Variants in NAALADL2 observed in about 807,000 individuals in gnomAD.
NAALADL2 encodes the protein N-acetylated alpha-linked acidic dipeptidase like 2.
NAALADL2 carries 76 observed loss-of-function variants against 87.2 expected under a neutral mutation model. The observed-to-expected ratio is 0.87, with a 90% confidence interval of 0.72 to 1.05. NAALADL2 has a LOEUF of 1.05. Among genes scored for constraint, NAALADL2 ranks in the 50% least tolerant of loss-of-function variants. The pLI is 0.00. For missense variants in NAALADL2, 1,089 were observed against 945.8 expected (o/e 1.15, Z -1.99); for synonymous variants, 354 against 331.0 (o/e 1.07, Z -0.75).
intron 2 of NAALADL2, among the ~76,000 whole-genome samples, chr3:175,175,002 G>T (rs1357084735): frequency 1.3e-5 from 2 of 151,930 alleles, no homozygotes; most frequent in Non-Finnish European, 2.9e-5. Flanking sequence ...AAATGATATT[G>T]AATTTTTTGA....
intron 5 of NAALADL2, among the ~76,000 whole-genome samples, chr3:175,445,953 C>T (rs886436623): frequency 6.6e-6 from 1 of 152,108 alleles, no homozygotes; most frequent in African/African-American, 2.4e-5. Flanking sequence ...TGCCGAGGGG[C>T]CGGCCTAGGG....
intron 4 of NAALADL2, among the ~76,000 whole-genome samples, chr3:175,308,399 A>G (rs1261641835): frequency 6.6e-6 from 1 of 152,182 alleles, no homozygotes; most frequent in Non-Finnish European, 1.5e-5. Flanking sequence ...TCCTGTCTTA[A>G]TACAGTACCA....
At chr3:174,854,659 C>A (rs1358991831), upstream of NAALADL2, among the ~76,000 whole-genome samples, 7 of 151,634 alleles carry the variant, frequency 4.6e-5, no homozygotes, top group Non-Finnish European at 1.0e-4. Flanking sequence ...TAGGTACAAC[C>A]ATTATGTATC....
At chr3:174,887,631 C>T (rs1730332965) in intron 1 of NAALADL2, among the ~76,000 whole-genome samples, 1 of 151,926 alleles carries the variant, frequency 6.6e-6, no homozygotes, top group Non-Finnish European at 1.5e-5. Flanking sequence ...CTCATCTCTA[C>T]AAAAAACTTA....
At chr3:174,700,062 A>T (rs1371812481) in intron 2 of NAALADL2, among the ~76,000 whole-genome samples, 1 of 150,934 alleles carries the variant, frequency 6.6e-6, no homozygotes, top group Non-Finnish European at 1.5e-5. Context: ...TTGTTGGTTT[A>T]TTTGGCTATT....
At chr3:174,712,106 T>C (rs974815031) in intron 2 of NAALADL2, among the ~76,000 whole-genome samples, 7 of 152,048 alleles carry the variant, frequency 4.6e-5, no homozygotes, top group Admixed American at 2.6e-4. Context: ...GAATTTCTTT[T>C]GCAGATCTGA....
At chr3:175,192,594 AG>A (rs1738373681) in intron 2 of NAALADL2, among the ~76,000 whole-genome samples, 1 of 152,042 alleles carries the variant, frequency 6.6e-6, no homozygotes, top group African/African-American at 2.4e-5. Flanking sequence ...TGGCTACCAA[AG>A]GTAGAAAATT....
chr3:174,552,416 A>T (rs1237801719), intron 2 of NAALADL2, among the ~76,000 whole-genome samples: 1 of 152,194 alleles, frequency 6.6e-6, no homozygotes, highest in Admixed American at 6.6e-5. Context: ...ATTCTTAATG[A>T]CAAACATATC....
chr3:175,372,183 G>A (rs552185972), intron 5 of NAALADL2, among the ~76,000 whole-genome samples: 13 of 152,276 alleles, frequency 8.5e-5, no homozygotes, highest in Middle Eastern at 6.8e-3. Flanking sequence ...GCTAGTACAG[G>A]AGTCGCTATG....
chr3:175,287,696 A>T (rs1055318547), intron 4 of NAALADL2, among the ~76,000 whole-genome samples: 2 of 152,184 alleles, frequency 1.3e-5, no homozygotes, highest in Non-Finnish European at 2.9e-5. Flanking sequence ...AATATCTGGT[A>T]TTGCAAGTCT....
chr3:175,543,110 C>A (rs1712663746), intron 9 of NAALADL2, among the ~76,000 whole-genome samples: 2 of 152,136 alleles, frequency 1.3e-5, no homozygotes, highest in African/African-American at 4.8e-5. Context: ...AGAGAAGCAA[C>A]TCACTGTTTC....
chr3:175,268,523 C>A (rs900518023), intron 4 of NAALADL2, among the ~76,000 whole-genome samples: 1 of 151,840 alleles, frequency 6.6e-6, no homozygotes, highest in African/African-American at 2.4e-5. Context: ...AAATATTTTT[C>A]TTTTTAATAA....
intron 1 of NAALADL2, among the ~76,000 whole-genome samples, chr3:174,444,170 T>C (rs1714872437): frequency 6.6e-6 from 1 of 152,088 alleles, no homozygotes; most frequent in African/African-American, 2.4e-5. Flanking sequence ...GGAATGCTGT[T>C]CACGAGGAGG....
chr3:175,643,832 G>A (rs1374347438), intron 11 of NAALADL2, among the ~76,000 whole-genome samples: 1 of 152,122 alleles, frequency 6.6e-6, no homozygotes, highest in Non-Finnish European at 1.5e-5. Context: ...AGAATCTCCT[G>A]GAATAGTTAC....
chr3:174,632,576 A>C (rs1722217687), intron 2 of NAALADL2, among the ~76,000 whole-genome samples: 1 of 152,104 alleles, frequency 6.6e-6, no homozygotes, highest in African/African-American at 2.4e-5. Context: ...GACCTAAAGG[A>C]GGTGAGGATA....
rs548344240 is a variant in NAALADL2 at position 175,133,613 on chromosome 3, T to A, written c.545+36322T>A. Among the ~76,000 whole-genome samples the A allele has an allele frequency of 1.4e-4, 22 of 152,194 alleles. No individual in the cohort carries two copies. In the East Asian group the frequency reaches 4.3e-3, roughly 30 times the overall value. On this transcript the variant is annotated intron_variant, in intron 2 of 13. Transcript: ENST00000454872. The stretch of plus-strand genomic sequence containing the variant: ...GGCGCGCGCCTGCAATCGCAGGCAC[T>A]CGGCAGGCTGAGGCAGGCGAATCAG...
At chr3:175,172,699 A>G (rs1735024416) in intron 2 of NAALADL2, among the ~76,000 whole-genome samples, 2 of 152,186 alleles carry the variant, frequency 1.3e-5, no homozygotes, top group South Asian at 4.1e-4. Flanking sequence ...TACTAATTAT[A>G]GTAGTGAACA....
chr3:175,499,571 C>T (rs944192496), intron 9 of NAALADL2, among the ~76,000 whole-genome samples: 1 of 151,220 alleles, frequency 6.6e-6, no homozygotes, highest in African/African-American at 2.4e-5. Flanking sequence ...TTTTTTGCAC[C>T]CGACTTAAGT....
At chr3:174,697,692 G>A (rs558264008) in intron 2 of NAALADL2, among the ~76,000 whole-genome samples, 1 of 152,042 alleles carries the variant, frequency 6.6e-6, no homozygotes, top group East Asian at 1.9e-4. Context: ...ATGCATCATG[G>A]CCCCTAGTTT....
Sources: gnomAD v4.1 joint callset for allele counts (sites outside exome capture counted in the v4.1 genomes callset) on GRCh38, gnomAD v4.1.1 for gene constraint, MANE v1.5 for transcripts, NCBI Gene and HGNC (gene_info 2026-07-23, HGNC 2026-07-21) for gene names.